MAP7D1: variants seen among roughly 807,000 people sequenced by gnomAD.
MAP7D1 encodes MAP7 domain-containing protein 1.
Under a neutral mutation model 97.5 loss-of-function variants are expected in MAP7D1, and 30 were observed. That is an observed-to-expected ratio of 0.31 (90% CI 0.23 to 0.42). The LOEUF is 0.42. MAP7D1 is among the 10% of genes least tolerant of loss of function. The pLI is 1.00. For missense variants in MAP7D1, 1,184 were observed against 1,179.5 expected, an observed-to-expected ratio of 1.00 and a Z score of -0.06; for synonymous variants, 536 against 477.1, an observed-to-expected ratio of 1.12 and a Z score of -1.61.
Position 36,156,408 on chromosome 1 carries a change from C to T in MAP7D1, c.-10C>T, listed in dbSNP as rs1194462073. 2 of 1,486,500 alleles carry T rather than the reference C, an allele frequency of 1.3e-6. No individual in the cohort carries two copies. Among genetic ancestry groups the T allele is most frequent in the East Asian group, 2.9e-5 (1 of 34,062 alleles). The allele number at this position is 1,486,500 out of a possible 1,614,324, so 92.1% of individuals were successfully genotyped here. A position where few individuals can be genotyped will look rare whatever the true frequency, so the allele number is the denominator to read the frequency against. On this transcript the variant is annotated 5_prime_UTR_variant, in exon 1 of 17. In the 5' UTR this introduces an upstream ATG that the reference lacks. Transcript: ENST00000474796. ...GCTGAGACCCCGAGACCCCCAGTGA[C>T]GCCGCAGCCATGGAGAGCGGCCCGC...
intron 1 of MAP7D1, among the ~76,000 whole-genome samples, chr1:36,169,797 C>T (rs987463651): frequency 2.0e-5 from 3 of 152,078 alleles, no homozygotes; most frequent in Admixed American, 6.6e-5. Context: ...ACCTTGCTGA[C>T]ATTCCCTACT....
intron 9 of MAP7D1, 54 bp from the exon 10 acceptor site, chr1:36,178,365 T>C (rs147591337): frequency 6.4e-7 from 1 of 1,557,594 alleles, no homozygotes; most frequent in Non-Finnish European, 8.7e-7. Flanking sequence ...CGCTGGGAGA[T>C]GACGGCGGTG....
rs535825867 is a variant in MAP7D1, at chr1:36,178,735, G to A, written c.1937G>A (p.Arg646Gln). Residue 646 changes from arginine (R) to glutamine (Q), a missense_variant, in exon 11 of 17, where the codon CGG becomes CAG. Transcript: ENST00000474796. ...LAREAEARAE[R>Q]EAEARRREEQ... ...CGGGAGGCCGAGGCCCGGGCGGAGC[G>A]GGAGGCGGAGGCCCGGAGGCGGGAG... 1.0e-5 allele frequency: 16 copies of A among 1,543,652 alleles called. No individual in the cohort carries two copies. In the African/African-American group the frequency reaches 1.9e-4, roughly 19 times the overall value.
rs1430711575 is a variant in MAP7D1, at chr1:36,180,293, G to A, written c.*35G>A. 15 of 1,613,848 alleles carry A rather than the reference G, an allele frequency of 9.3e-6. No individual in the cohort carries two copies. Among genetic ancestry groups the A allele is most frequent in the East Asian group, 2.2e-5 (1 of 44,878 alleles). ...CCTTGGATCCGGGCACAGTTGTGAG[G>A]GCTCCTCTGCATCACCTACCAGGAT... is the stretch of plus-strand genomic sequence containing the variant. On this transcript the variant is annotated 3_prime_UTR_variant, in exon 17 of 17. Transcript: ENST00000474796.
rs2296263 is a variant in MAP7D1 at position 36,176,128 on chromosome 1, C to T, written c.851-71C>T. 843,976 of 1,552,756 alleles carry T rather than the reference C, an allele frequency of 0.54. 232,480 individuals carry two copies. The highest frequency in any genetic ancestry group is 0.57 in the Non-Finnish European group (656,764 of 1,150,900). On this transcript the variant is annotated intron_variant, in intron 6 of 16. Transcript: ENST00000474796. This position sits in a 1 kb window ranked among gnomAD's most constrained non-coding sequence, Gnocchi z 6.1. ...CCTTGGCATGGGGATGGTGCCTGGT[C>T]TGCTCCCTTGCCTCTTCCTGCCTCC...
rs1168931156 is a variant in MAP7D1 at position 36,171,230 on chromosome 1, C to A, written c.306C>A (p.Gly102=). 1.9e-6 allele frequency: 3 copies of A among 1,610,950 alleles called. No individual in the cohort carries two copies. Among genetic ancestry groups the A allele is most frequent in the Non-Finnish European group, 2.5e-6 (3 of 1,178,320 alleles). Residue 102 remains glycine (G), a synonymous_variant, in exon 2 of 17, where the codon GGC becomes GGA. Transcript: ENST00000474796. ...KSRGPTPPAM[G]PRDARPPRRS... ...GAGGACCCACCCCACCAGCCATGGGCCCACGGGATGCCAGACCTCCTCGAA... is the reference window on the plus strand; with the variant it reads ...GAGGACCCACCCCACCAGCCATGGGACCACGGGATGCCAGACCTCCTCGAA...
chr1:36,156,977 C>G (rs961371641), intron 1 of MAP7D1, among the ~76,000 whole-genome samples: 1 of 152,228 alleles, frequency 6.6e-6, no homozygotes, highest in Non-Finnish European at 1.5e-5. Context: ...CCACCCCATC[C>G]GTCCAGCTGC....
chr1:36,179,544 C>A lies in MAP7D1; in HGVS notation c.2214C>A (p.Asn738Lys), dbSNP rs1355956256. The A allele has an allele frequency of 5.1e-6, 8 of 1,572,606 alleles. No homozygotes were observed. In the East Asian group the frequency reaches 9.3e-5, roughly 18 times the overall value. Reference sequence around the variant, plus strand: ...AGGACAGCAAGGAGGCCAACGCCAACGGTTCCAGCCCAGGTAAAGCCCCCA... The same window carrying A: ...AGGACAGCAAGGAGGCCAACGCCAAAGGTTCCAGCCCAGGTAAAGCCCCCA... Reference protein sequence around the residue: ...KKQDSKEANANGSSPEPVKAV... With the variant: ...KKQDSKEANAKGSSPEPVKAV... Residue 738 changes from asparagine (N) to lysine (K), a missense_variant, in exon 14 of 17, where the codon AAC becomes AAA. Asn to Lys is a moderately conservative substitution (Grantham distance 94). Coordinates refer to ENST00000474796, the MANE Select transcript of MAP7D1 (RefSeq NM_001388490.1).
intron 9 of MAP7D1, 102 bp from the exon 10 acceptor site, chr1:36,178,317 A>G: frequency 6.8e-7 from 1 of 1,469,764 alleles, no homozygotes; most frequent in Non-Finnish European, 9.1e-7. Context: ...GAAAGAGGAG[A>G]CTCCTGCCCT....
Position 36,171,333 on chromosome 1 carries a change from G to T in MAP7D1, c.391+18G>T. On this transcript the variant is annotated intron_variant, in intron 2 of 16. Coordinates refer to ENST00000474796, the MANE Select transcript of MAP7D1 (RefSeq NM_001388490.1). ...CAAGCAAGGTGTGTGTAATGACCCC[G>T]GCCTGGGCCTAAACCTCTTGGCTCA... 1 of 1,550,676 alleles carries T rather than the reference G, an allele frequency of 6.4e-7. No individual in the cohort carries two copies. The highest frequency in any genetic ancestry group is 8.7e-7 in the Non-Finnish European group (1 of 1,147,360).
intron 12 of MAP7D1, 105 bp from the exon 13 acceptor site, chr1:36,179,157 G>A (rs944022982): frequency 5.3e-6 from 8 of 1,497,118 alleles, no homozygotes; most frequent in Non-Finnish European, 7.4e-6. Flanking sequence ...GGAGAGGGCT[G>A]CTATGAGCTG....
intron 1 of MAP7D1, among the ~76,000 whole-genome samples, chr1:36,158,646 G>T (rs1644368983): frequency 6.6e-6 from 1 of 152,176 alleles, no homozygotes; most frequent in African/African-American, 2.4e-5. Context: ...TAATGTGAGG[G>T]TTAGAGATGA....
At chr1:36,165,464 CT>C (rs538278038) in intron 1 of MAP7D1, among the ~76,000 whole-genome samples, 346 of 135,988 alleles carry the variant, frequency 2.5e-3, no homozygotes, top group Non-Finnish European at 3.2e-3. Flanking sequence ...TTTTCTTTTT[CT>C]TTTTTTTTTT....
At chr1:36,179,047 TTTGTGGGCGGGGC>T in intron 12 of MAP7D1, 22 bp downstream of exon 12, 2 of 1,546,866 alleles carry the variant, frequency 1.3e-6, no homozygotes, top group Non-Finnish European at 1.7e-6. Context: ...TGGGCGGGGA[TTTGTGGGCGGGGC>T]CTGGGCAGGG....
In MAP7D1 at chr1:36,174,964, G is replaced by A. The variant is rs201475700; in HGVS notation, c.806G>A (p.Arg269Gln). The A allele has an allele frequency of 6.3e-5, 102 of 1,613,846 alleles. No homozygotes were observed. Among genetic ancestry groups the A allele is most frequent in the Non-Finnish European group, 8.4e-5 (99 of 1,179,984 alleles). ...CACGTGGACTCTATAATCAACAAGC[G>A]GCTCTCAAAGTCCTCTGCCACGCTC... ...PKHVDSIINK[R>Q]LSKSSATLWN... The change falls in exon 6 of 17, where the codon CGG (arginine) becomes CAG (glutamine). Residue 269 changes from arginine to glutamine, a missense_variant. Arg to Gln is a conservative substitution (Grantham distance 43, BLOSUM62 1). Transcript: ENST00000474796.
In MAP7D1 at chr1:36,178,831, C is replaced by T. The variant is rs1553185757; in HGVS notation, c.2025+8C>T. ...GAGCGGCTGCAGAAGCAGGTGCCCC[C>T]GGCGGGCGGGAAGCGGCTGGGCGCG... On this transcript the variant is annotated splice_region_variant and intron_variant, in intron 11 of 16. Coordinates refer to ENST00000474796, the MANE Select transcript of MAP7D1 (RefSeq NM_001388490.1). 7.8e-6 allele frequency: 12 copies of T among 1,543,852 alleles called. No homozygotes were observed. The highest frequency in any genetic ancestry group is 1.4e-5 in the African/African-American group (1 of 72,146).
At position 36,171,233 on chromosome 1, in the gene MAP7D1, A is replaced by G; in HGVS notation, c.309A>G (p.Pro103=). The part of the protein sequence containing the change: ...SRGPTPPAMG[P]RDARPPRRSS... ...GACCCACCCCACCAGCCATGGGCCCACGGGATGCCAGACCTCCTCGAAGGA... is the reference window on the plus strand; with the variant it reads ...GACCCACCCCACCAGCCATGGGCCCGCGGGATGCCAGACCTCCTCGAAGGA... The change falls in exon 2 of 17, where the codon CCA becomes CCG. Residue 103 remains proline, a synonymous_variant. Coordinates refer to ENST00000474796, the MANE Select transcript of MAP7D1 (RefSeq NM_001388490.1). 1.2e-6 allele frequency: 2 copies of G among 1,610,596 alleles called. No homozygotes were observed. The highest frequency in any genetic ancestry group is 1.1e-5 in the South Asian group (1 of 90,810).
At chr1:36,165,762 A>G (rs1644466801) in intron 1 of MAP7D1, among the ~76,000 whole-genome samples, 1 of 125,356 alleles carries the variant, frequency 8.0e-6, no homozygotes, top group Non-Finnish European at 1.6e-5. Context: ...ACGGAGTCTC[A>G]CTCTGTCATC....
chr1:36,163,817 CTTTTTTTTTT>C (rs869169250), intron 1 of MAP7D1, among the ~76,000 whole-genome samples: 3 of 86,784 alleles, frequency 3.5e-5, no homozygotes, highest in African/African-American at 4.7e-5. Flanking sequence ...TACTTTTTTT[CTTTTTTTTTT>C]TTTTTTTTTT....
Sources: gnomAD v4.1 joint callset for allele counts (sites outside exome capture counted in the v4.1 genomes callset) on GRCh38, gnomAD v4.1.1 for gene constraint, Gnocchi (gnomAD v3.1) non-coding constraint, MANE v1.5 for transcripts, NCBI Gene and HGNC (gene_info 2026-07-23, HGNC 2026-07-21) for gene names.